Variants in DYM observed in about 807,000 individuals in gnomAD.
The protein encoded by DYM is dymeclin.
Under a neutral mutation model 93.1 loss-of-function variants are expected in DYM, and 78 were observed. That is an observed-to-expected ratio of 0.84 (90% CI 0.70 to 1.01). DYM has a LOEUF of 1.01. Ranked by LOEUF, DYM falls within the 50% of genes least tolerant of loss-of-function variation. The probability of loss-of-function intolerance (pLI) is 0.00; values close to 1 mark genes in which losing one functional copy is unlikely to be tolerated. For synonymous variants in DYM, 321 were observed against 319.7 expected, an observed-to-expected ratio of 1.00 and a Z score of -0.04; for missense variants, 789 against 845.0, an observed-to-expected ratio of 0.93 and a Z score of 0.82.
rs143187160 is a variant in DYM, at chr18:49,435,051, T to C, written c.-53-4604A>G. ...GGTAAAACCTCATCTCTACTAAAAA[T>C]ACAAAAATTAGCACAGCATGGTGGT... On this transcript the variant is annotated intron_variant, in intron 1 of 17. Transcript: ENST00000675505. 2.6e-4 allele frequency among the ~76,000 whole-genome samples: 39 copies of C among 151,132 alleles called. No individual in the cohort carries two copies. In the East Asian group the frequency reaches 7.7e-3, roughly 30 times the overall value.
intron 11 of DYM, among the ~76,000 whole-genome samples, chr18:49,265,562 T>C (rs917381320): frequency 6.6e-6 from 1 of 152,236 alleles, no homozygotes; most frequent in East Asian, 1.9e-4. Context: ...GTGAATCACC[T>C]GAGGTCGCGA....
At chr18:49,378,288 T>C (rs2067701963) in intron 5 of DYM, among the ~76,000 whole-genome samples, 1 of 152,226 alleles carries the variant, frequency 6.6e-6, no homozygotes, top group Non-Finnish European at 1.5e-5. Context: ...TTATTTTTTA[T>C]ATTACTTTCT....
At chr18:49,212,241 C>A (rs1372215983) in intron 13 of DYM, among the ~76,000 whole-genome samples, 1 of 152,068 alleles carries the variant, frequency 6.6e-6, no homozygotes, top group East Asian at 1.9e-4. Context: ...GTATTAGATT[C>A]CTGACTTGGA....
Position 49,152,719 on chromosome 18 carries a change from C to A in DYM, c.1728+10966G>T, listed in dbSNP as rs74931227. On this transcript the variant is annotated intron_variant, in intron 15 of 17. Coordinates refer to ENST00000675505, the MANE Select transcript of DYM (RefSeq NM_001353214.3). Reference sequence around the variant, plus strand: ...AACTACAGCTAAGATATGAAGACAACCTAAGTACTCGCTGACAGATACATG... The same window carrying A: ...AACTACAGCTAAGATATGAAGACAAACTAAGTACTCGCTGACAGATACATG... Among the ~76,000 whole-genome samples the A allele has an allele frequency of 5.4e-3, 824 of 152,190 alleles. 14 individuals are homozygous for A. Among genetic ancestry groups the A allele is most frequent in the African/African-American group, 0.019 (791 of 41,502 alleles).
rs545984438 is a variant in DYM, at chr18:49,377,456, A to T, written c.421+1111T>A. Among the ~76,000 whole-genome samples, 5 of 152,290 alleles carry T rather than the reference A, an allele frequency of 3.3e-5. No individual in the cohort carries two copies. The South Asian group carries it at 1.0e-3, about 32-fold the overall frequency. On this transcript the variant is annotated intron_variant, in intron 5 of 17. Coordinates refer to ENST00000675505, the MANE Select transcript of DYM (RefSeq NM_001353214.3). Reference sequence around the variant, plus strand: ...GCACCTGTAGTCCCAGCTACTCAGGAGGCTGAGACAGGAGAATTGCTTGAA... The same window carrying T: ...GCACCTGTAGTCCCAGCTACTCAGGTGGCTGAGACAGGAGAATTGCTTGAA...
intron 17 of DYM, chr18:49,048,039 TG>T (rs1382290956): frequency 6.6e-6 from 1 of 152,288 alleles, no homozygotes; most frequent in Non-Finnish European, 1.5e-5. Context: ...GTTTAAAGCC[TG>T]GGTCTGACTG....
chr18:49,348,704 AT>A (rs1162899874), intron 6 of DYM, among the ~76,000 whole-genome samples: 1 of 151,920 alleles, frequency 6.6e-6, no homozygotes, highest in Non-Finnish European at 1.5e-5. Flanking sequence ...AGGTCAAGAC[AT>A]AGAGGCCATC....
chr18:49,280,926 G>A (rs950924632), intron 10 of DYM, among the ~76,000 whole-genome samples: 1 of 152,088 alleles, frequency 6.6e-6, no homozygotes, highest in Non-Finnish European at 1.5e-5. Flanking sequence ...CAAAAGCAAT[G>A]GCAACAAAAG....
chr18:49,151,070 A>G (rs2085763526), intron 15 of DYM, among the ~76,000 whole-genome samples: 1 of 152,218 alleles, frequency 6.6e-6, no homozygotes, highest in African/African-American at 2.4e-5. Context: ...CCTACTTCCC[A>G]AAGTATACCA....
At chr18:49,426,581 A>G (rs1350626229) in intron 2 of DYM, among the ~76,000 whole-genome samples, 2 of 152,092 alleles carry the variant, frequency 1.3e-5, no homozygotes, top group African/African-American at 2.4e-5. Flanking sequence ...ATTTATTGCC[A>G]AAAGATATAA....
chr18:49,336,626 T>A (rs1451031097), intron 6 of DYM, among the ~76,000 whole-genome samples: 1 of 152,244 alleles, frequency 6.6e-6, no homozygotes, highest in African/African-American at 2.4e-5. Context: ...TTTTTGCTCA[T>A]ATGATGTTCA....
At chr18:49,201,354 T>G (rs2091976274) in intron 14 of DYM, among the ~76,000 whole-genome samples, 1 of 152,208 alleles carries the variant, frequency 6.6e-6, no homozygotes, top group African/African-American at 2.4e-5. Context: ...AAGTCCTTCT[T>G]TTTCCATCTC....
Position 49,279,513 on chromosome 18 carries a change from G to A in DYM, c.1125+2484C>T, listed in dbSNP as rs376711251. Among the ~76,000 whole-genome samples the A allele has an allele frequency of 6.2e-4, 94 of 152,198 alleles. 1 individual carries two copies. Among genetic ancestry groups the A allele is most frequent in the East Asian group, 3.9e-3 (20 of 5,178 alleles). On this transcript the variant is annotated intron_variant, in intron 10 of 17. Transcript: ENST00000675505. ...ATTAAGAAATTATCCAACAAAACCAGAACAAATAAACAAACACCACCCTCC... is the reference window on the plus strand; with the variant it reads ...ATTAAGAAATTATCCAACAAAACCAAAACAAATAAACAAACACCACCCTCC...
At chr18:49,060,002 A>T (rs2075820859) in intron 17 of DYM, among the ~76,000 whole-genome samples, 1 of 152,234 alleles carries the variant, frequency 6.6e-6, no homozygotes, top group South Asian at 2.1e-4. Flanking sequence ...GACGTTTTGT[A>T]CCATAAAAGC....
chr18:49,385,897 C>G (rs955287555), intron 3 of DYM, among the ~76,000 whole-genome samples: 5 of 151,890 alleles, frequency 3.3e-5, no homozygotes, highest in Non-Finnish European at 7.4e-5. Flanking sequence ...AAAAAAAAGG[C>G]AATGAATTTC....
chr18:49,293,373 CT>C (rs1180091544), intron 8 of DYM, among the ~76,000 whole-genome samples: 4 of 152,156 alleles, frequency 2.6e-5, no homozygotes, highest in African/African-American at 9.7e-5. Context: ...AATGGTATTT[CT>C]GGTTCTAGAT....
intron 13 of DYM, among the ~76,000 whole-genome samples, chr18:49,213,103 T>C (rs1416669388): frequency 1.3e-5 from 2 of 152,212 alleles, no homozygotes; most frequent in African/African-American, 4.8e-5. Flanking sequence ...TTATTTGATA[T>C]GGTTATGCTT....
At chr18:49,045,767 G>T (rs963723885) in intron 17 of DYM, among the ~76,000 whole-genome samples, 2 of 152,146 alleles carry the variant, frequency 1.3e-5, no homozygotes, top group African/African-American at 4.8e-5. Flanking sequence ...CCCCGCACAG[G>T]AAAGGCCTGG....
chr18:49,089,642 CCAGA>C (rs1439415386), intron 17 of DYM, among the ~76,000 whole-genome samples: 2 of 152,192 alleles, frequency 1.3e-5, no homozygotes, highest in African/African-American at 2.4e-5. Context: ...AACTGTTTAA[CCAGA>C]CAGATTCCTG....
Sources: allele counts gnomAD v4.1 joint callset (sites outside exome capture counted in the v4.1 genomes callset), GRCh38; gene constraint gnomAD v4.1.1; transcripts MANE v1.5; gene names NCBI Gene and HGNC (gene_info 2026-07-23, HGNC 2026-07-21).